RSF1: variants seen among roughly 807,000 people sequenced by gnomAD.
RSF1 encodes the protein HBV pX-associated protein 8.
RSF1 carries 13 observed loss-of-function variants against 145.2 expected under a neutral mutation model. That is an observed-to-expected ratio of 0.09 (90% CI 0.06 to 0.14). The LOEUF (loss-of-function observed/expected upper bound fraction) is 0.14, where lower values mean the gene tolerates loss of function less well. Ranked by LOEUF, RSF1 falls within the 10% of genes least tolerant of loss-of-function variation. The probability of loss-of-function intolerance (pLI) is 1.00; values close to 1 mark genes in which losing one functional copy is unlikely to be tolerated. For synonymous variants in RSF1, 577 were observed against 592.6 expected, an observed-to-expected ratio of 0.97 and a Z score of 0.38; for missense variants, 1,517 against 1,718.2, an observed-to-expected ratio of 0.88 and a Z score of 2.07.
At chr11:77,812,497 C>A (rs971679108) in intron 1 of RSF1, among the ~76,000 whole-genome samples, 4 of 152,192 alleles carry the variant, frequency 2.6e-5, no homozygotes, top group Non-Finnish European at 5.9e-5. Context: ...ACATTATATA[C>A]TTCATGTTGC....
chr11:77,773,200 T>C (rs891183544), intron 1 of RSF1, among the ~76,000 whole-genome samples: 1 of 152,198 alleles, frequency 6.6e-6, no homozygotes, highest in Non-Finnish European at 1.5e-5. Context: ...ACTTAAAGTG[T>C]ACCATCCAAT....
intron 5 of RSF1, among the ~76,000 whole-genome samples, chr11:77,721,665 G>C (rs1168532853): frequency 6.6e-6 from 1 of 152,198 alleles, no homozygotes; most frequent in Admixed American, 6.5e-5. Context: ...AAAGCATTTA[G>C]AACAGTATTG....
At chr11:77,727,623 C>T (rs973783203) in intron 4 of RSF1, among the ~76,000 whole-genome samples, 1 of 151,766 alleles carries the variant, frequency 6.6e-6, no homozygotes, top group South Asian at 2.1e-4. Flanking sequence ...ATTACAGGCA[C>T]CCATCACCAC....
intron 7 of RSF1, 37 bp downstream of exon 7, chr11:77,698,450 G>A: frequency 6.3e-7 from 1 of 1,575,078 alleles, no homozygotes; most frequent in South Asian, 1.1e-5. Flanking sequence ...CACCATGTCT[G>A]TAATATGAGT....
chr11:77,692,298 G>A (rs2135840846), intron 8 of RSF1, among the ~76,000 whole-genome samples: 1 of 81,112 alleles, frequency 1.2e-5, no homozygotes, highest in South Asian at 3.6e-4. Flanking sequence ...AGGCTGGAGT[G>A]CAGTGGCGGG....
At chr11:77,717,480 A>T (rs1007309686) in intron 5 of RSF1, among the ~76,000 whole-genome samples, 2 of 152,200 alleles carry the variant, frequency 1.3e-5, no homozygotes, top group African/African-American at 4.8e-5. Context: ...TCCTGTTGGC[A>T]AGCTATGATC....
chr11:77,660,782 G>A lies in RSF1; in HGVS notation c.*6135C>T, dbSNP rs1361366486. 6.8e-6 allele frequency: 1 copy of A among 146,862 alleles called. No homozygotes were observed. Among genetic ancestry groups the A allele is most frequent in the Admixed American group, 6.9e-5 (1 of 14,560 alleles). The allele number at this position is 146,862 out of a possible 1,614,324, so 9.1% of individuals were successfully genotyped here. On this transcript the variant is annotated 3_prime_UTR_variant, in exon 16 of 16. Coordinates refer to ENST00000308488, the MANE Select transcript of RSF1 (RefSeq NM_016578.4). ...TGATCTGCAGGCTTCCCTTCTGAAT[G>A]AGGATAGCAAAAAACTGACGCTGGC...
intron 15 of RSF1, among the ~76,000 whole-genome samples, chr11:77,667,734 C>T (rs147008807): frequency 1.5e-4 from 23 of 152,198 alleles, no homozygotes; most frequent in Non-Finnish European, 2.6e-4. Flanking sequence ...GACAGAGTCT[C>T]GCACTGTTGC....
chr11:77,792,088 G>A (rs1338725069), intron 1 of RSF1, among the ~76,000 whole-genome samples: 9 of 152,106 alleles, frequency 5.9e-5, no homozygotes, highest in Non-Finnish European at 1.0e-4. Flanking sequence ...AGTTCCACAT[G>A]GCTGGGGAGG....
chr11:77,831,074 C>T, the RSF1 span, among the ~76,000 whole-genome samples: 13 of 150,870 alleles, frequency 8.6e-5, no homozygotes, highest in East Asian at 1.4e-3. Flanking sequence ...TGGGAGAATT[C>T]GTCGAGGCTT....
chr11:77,729,895 C>CAAAAAAAA lies in RSF1; in HGVS notation c.579-4204_579-4197dup, dbSNP rs398045289. Among the ~76,000 whole-genome samples, 176 of 48,930 alleles carry CAAAAAAAA rather than the reference C, an allele frequency of 3.6e-3. 25 individuals carry two copies. The highest frequency in any genetic ancestry group is 5.8e-3 in the African/African-American group (99 of 17,192). 32.1% of individuals were successfully genotyped at this position (48,930 alleles called of 152,430 possible). On this transcript the variant is annotated intron_variant, in intron 4 of 15. Coordinates refer to ENST00000308488, the MANE Select transcript of RSF1 (RefSeq NM_016578.4). ...TATAAATGCCAAATTATTCAGTAGGCAAAAAAAAAAAAAAAAAAAAAAAAA... is the reference window on the plus strand; with the variant it reads ...TATAAATGCCAAATTATTCAGTAGGCAAAAAAAAAAAAAAAAAAAAAAAAAAAAAAAAA...
rs377209547 is a variant in RSF1, at chr11:77,678,008, G to C, written c.3133+78C>G. On this transcript the variant is annotated intron_variant, in intron 12 of 15. Coordinates refer to ENST00000308488, the MANE Select transcript of RSF1 (RefSeq NM_016578.4). The stretch of plus-strand genomic sequence containing the variant: ...AACGGGAAAGAGAATAAAAACATAT[G>C]CTCACTGCCCTAATTTGGGCACCTG... The C allele has an allele frequency of 1.9e-4, 168 of 904,732 alleles. No individual in the cohort carries two copies. The African/African-American group carries it at 1.9e-3, about 10-fold the overall frequency. The allele number at this position is 904,732 out of a possible 1,614,324, so 56.0% of individuals were successfully genotyped here.
intron 1 of RSF1, among the ~76,000 whole-genome samples, chr11:77,798,062 G>T (rs1384170668): frequency 6.6e-6 from 1 of 152,226 alleles, no homozygotes; most frequent in African/African-American, 2.4e-5. Context: ...GTTGGTGGGA[G>T]TGTAAATTAG....
chr11:77,712,206 C>T (rs1341046365), intron 5 of RSF1, among the ~76,000 whole-genome samples: 1 of 152,114 alleles, frequency 6.6e-6, no homozygotes, highest in Non-Finnish European at 1.5e-5. Context: ...GGGGGTGGTT[C>T]CCCCATACTG....
At chr11:77,678,459 C>T (rs1465792312) in intron 11 of RSF1, among the ~76,000 whole-genome samples, 1 of 152,018 alleles carries the variant, frequency 6.6e-6, no homozygotes, top group Non-Finnish European at 1.5e-5. Flanking sequence ...GTGATCTGCC[C>T]GCCTCAGTCT....
intron 2 of RSF1, among the ~76,000 whole-genome samples, chr11:77,752,552 T>C (rs1948074306): frequency 6.6e-6 from 1 of 152,170 alleles, no homozygotes; most frequent in Admixed American, 6.5e-5. Flanking sequence ...TCCATTTTTC[T>C]GGGACCCCTC....
At chr11:77,749,183 T>C (rs1223773478) in intron 2 of RSF1, among the ~76,000 whole-genome samples, 2 of 152,162 alleles carry the variant, frequency 1.3e-5, no homozygotes, top group East Asian at 1.9e-4. Context: ...TGCTGATGGG[T>C]AGGCAATTTC....
the RSF1 span, among the ~76,000 whole-genome samples, chr11:77,848,888 C>T: frequency 4.6e-5 from 7 of 152,114 alleles, no homozygotes; most frequent in Admixed American, 1.3e-4. Context: ...TAGATTCAAG[C>T]GATCCTCCAG....
chr11:77,773,896 T>C (rs1759940025), intron 1 of RSF1, among the ~76,000 whole-genome samples: 1 of 152,212 alleles, frequency 6.6e-6, no homozygotes, highest in Non-Finnish European at 1.5e-5. Flanking sequence ...GAGAAAACAA[T>C]TGCTTAGATT....
Sources: gnomAD v4.1 joint callset for allele counts (sites outside exome capture counted in the v4.1 genomes callset) on GRCh38, gnomAD v4.1.1 for gene constraint, MANE v1.5 for transcripts, NCBI Gene and HGNC (gene_info 2026-07-23, HGNC 2026-07-21) for gene names.